SORCS3: variants seen among roughly 807,000 people sequenced by gnomAD.
The protein encoded by SORCS3 is sortilin related VPS10 domain containing receptor 3.
SORCS3 carries 57 observed loss-of-function variants against 146.3 expected under a neutral mutation model. The observed-to-expected ratio is 0.39, with a 90% CI of 0.31 to 0.49. The LOEUF (loss-of-function observed/expected upper bound fraction) is 0.49. SORCS3 is among the 20% of genes least tolerant of loss of function. SORCS3 has a pLI of 0.92. For missense variants in SORCS3, 1,341 were observed against 1,575.5 expected, an observed-to-expected ratio of 0.85 and a Z score of 2.52; for synonymous variants, 653 against 618.5, an observed-to-expected ratio of 1.06 and a Z score of -0.83.
chr10:104,882,186 C>T (rs1282606717), intron 2 of SORCS3, among the ~76,000 whole-genome samples: 1 of 152,164 alleles, frequency 6.6e-6, no homozygotes, highest in Non-Finnish European at 1.5e-5. Context: ...AGAGATCCAC[C>T]TGATTCACCT....
At chr10:104,807,576 G>T (rs1348745955) in intron 1 of SORCS3, among the ~76,000 whole-genome samples, 1 of 152,190 alleles carries the variant, frequency 6.6e-6, no homozygotes, top group Admixed American at 6.5e-5. Flanking sequence ...AGAATCCTAC[G>T]TTTAGAGCGT....
intron 4 of SORCS3, among the ~76,000 whole-genome samples, chr10:105,013,464 G>T (rs554741093): frequency 6.6e-6 from 1 of 151,978 alleles, no homozygotes; most frequent in Non-Finnish European, 1.5e-5. Flanking sequence ...AGACTCAAAA[G>T]AAACTGTAGG....
At chr10:104,921,007 G>T (rs1029557770) in intron 3 of SORCS3, among the ~76,000 whole-genome samples, 21 of 152,228 alleles carry the variant, frequency 1.4e-4, no homozygotes, top group African/African-American at 5.1e-4. Context: ...GAATGTGTCT[G>T]GTTGGTACTT....
At chr10:105,085,060 T>TG (rs2133736934) in intron 5 of SORCS3, among the ~76,000 whole-genome samples, 2 of 152,336 alleles carry the variant, frequency 1.3e-5, no homozygotes, top group South Asian at 4.1e-4. Context: ...GGTGTGATTC[T>TG]GCCACCCATC....
intron 4 of SORCS3, among the ~76,000 whole-genome samples, chr10:104,981,774 C>A (rs2054932945): frequency 6.6e-6 from 1 of 152,144 alleles, no homozygotes. Context: ...AGGGGGCCTT[C>A]CGTAGGAGAT....
chr10:104,942,453 G>A (rs1281958435), intron 3 of SORCS3, among the ~76,000 whole-genome samples: 1 of 152,142 alleles, frequency 6.6e-6, no homozygotes, highest in Non-Finnish European at 1.5e-5. Context: ...CATTGTGAGG[G>A]CAGCATCACT....
intron 1 of SORCS3, among the ~76,000 whole-genome samples, chr10:104,839,568 G>A (rs1014277513): frequency 4.6e-5 from 7 of 152,190 alleles, no homozygotes; most frequent in African/African-American, 1.4e-4. Context: ...GCATGGGCCA[G>A]ATTGTGGAGT....
intron 25 of SORCS3, among the ~76,000 whole-genome samples, chr10:105,259,738 G>A (rs1045028477): frequency 4.6e-5 from 7 of 151,984 alleles, no homozygotes; most frequent in Non-Finnish European, 8.8e-5. Flanking sequence ...TTTTTTAGGA[G>A]GGCTTTCCTT....
At chr10:105,026,377 AT>A (rs1365212427) in intron 4 of SORCS3, among the ~76,000 whole-genome samples, 1 of 152,170 alleles carries the variant, frequency 6.6e-6, no homozygotes, top group Non-Finnish European at 1.5e-5. Flanking sequence ...ACTAAATCAG[AT>A]TGTGGGCAGT....
intron 1 of SORCS3, among the ~76,000 whole-genome samples, chr10:104,697,624 G>A (rs1334331626): frequency 6.6e-6 from 1 of 152,074 alleles, no homozygotes; most frequent in African/African-American, 2.4e-5. Flanking sequence ...TAGTTTTGGG[G>A]CATGGGCTTT....
intron 1 of SORCS3, among the ~76,000 whole-genome samples, chr10:104,836,104 A>C (rs533626576): frequency 6.6e-6 from 1 of 152,184 alleles, no homozygotes. Flanking sequence ...GCTGGATCCA[A>C]TTGGGCAAGT....
At chr10:104,646,505 AATC>A (rs1220364321) in intron 1 of SORCS3, among the ~76,000 whole-genome samples, 3 of 152,190 alleles carry the variant, frequency 2.0e-5, no homozygotes, top group African/African-American at 7.2e-5. Flanking sequence ...GTGGGCCCTG[AATC>A]ATCTCATAAG....
At chr10:105,240,325 G>A (rs1303957359) in intron 20 of SORCS3, among the ~76,000 whole-genome samples, 2 of 152,206 alleles carry the variant, frequency 1.3e-5, no homozygotes, top group Non-Finnish European at 2.9e-5. Flanking sequence ...GCTGGAAGTA[G>A]TGAAGATTCT....
At chr10:105,232,588 T>C (rs984504119) in intron 20 of SORCS3, among the ~76,000 whole-genome samples, 15 of 151,414 alleles carry the variant, frequency 9.9e-5, no homozygotes, top group African/African-American at 3.6e-4. Context: ...ACCTTGGAGT[T>C]TTTTTTTTCT....
chr10:104,662,768 G>A (rs374845239), intron 1 of SORCS3, among the ~76,000 whole-genome samples: 42 of 152,228 alleles, frequency 2.8e-4, no homozygotes, highest in African/African-American at 8.9e-4. Context: ...GTAATAGGGT[G>A]TTTTTCGGAA....
At chr10:104,888,047 T>C (rs2018709706) in intron 2 of SORCS3, among the ~76,000 whole-genome samples, 1 of 152,110 alleles carries the variant, frequency 6.6e-6, no homozygotes. Flanking sequence ...TGTGTTTTTT[T>C]TGAAGGCAGT....
At chr10:104,796,631 A>C (rs2017559508) in intron 1 of SORCS3, among the ~76,000 whole-genome samples, 1 of 152,322 alleles carries the variant, frequency 6.6e-6, no homozygotes, top group Non-Finnish European at 1.5e-5. Context: ...AAGTCAATTA[A>C]TTATAGTTAA....
At chr10:104,762,341 G>C (rs1444485286) in intron 1 of SORCS3, among the ~76,000 whole-genome samples, 1 of 152,136 alleles carries the variant, frequency 6.6e-6, no homozygotes, top group Non-Finnish European at 1.5e-5. Flanking sequence ...TTCTGCCATG[G>C]GTTATTTCAA....
intron 1 of SORCS3, among the ~76,000 whole-genome samples, chr10:104,687,984 G>A (rs1236052111): frequency 3.3e-5 from 5 of 152,208 alleles, no homozygotes; most frequent in African/African-American, 1.2e-4. Context: ...CTAGCTTTGG[G>A]AAAAGGATTT....
Sources: gnomAD v4.1 joint callset for allele counts (sites outside exome capture counted in the v4.1 genomes callset) on GRCh38, gnomAD v4.1.1 for gene constraint, MANE v1.5 for transcripts, NCBI Gene and HGNC (gene_info 2026-07-23, HGNC 2026-07-21) for gene names.